AGBL1: variants seen among roughly 807,000 people sequenced by gnomAD.
AGBL1 encodes the protein cytosolic carboxypeptidase 4.
AGBL1 carries 130 observed loss-of-function variants against 118.9 expected under a neutral mutation model. The observed-to-expected ratio is 1.09, with a 90% CI of 0.95 to 1.26. AGBL1 has a LOEUF of 1.26. Among genes scored for constraint, AGBL1 ranks in the 50% most tolerant of loss-of-function variants. The probability of loss-of-function intolerance (pLI) is 0.00; values close to 1 mark genes in which losing one functional copy is unlikely to be tolerated. For missense variants in AGBL1, 1,584 were observed against 1,298.1 expected (o/e 1.22, Z -3.38); for synonymous variants, 555 against 478.9 (o/e 1.16, Z -2.08).
At chr15:86,233,201 A>C (rs72752182) in intron 6 of AGBL1, among the ~76,000 whole-genome samples, 35 of 152,312 alleles carry the variant, frequency 2.3e-4, no homozygotes, top group Non-Finnish European at 4.3e-4. Context: ...TGGAGTCAGG[A>C]AACTGGACTC....
chr15:86,694,466 A>G (rs1031173895), intron 22 of AGBL1, among the ~76,000 whole-genome samples: 4 of 151,736 alleles, frequency 2.6e-5, no homozygotes, highest in African/African-American at 9.7e-5. Context: ...ACTTTGCTGA[A>G]CTCGTATATT....
At chr15:86,597,600 G>A (rs1289443617) in intron 21 of AGBL1, among the ~76,000 whole-genome samples, 34 of 152,098 alleles carry the variant, frequency 2.2e-4, no homozygotes, top group Admixed American at 2.2e-3. Context: ...GAACTCAAGA[G>A]GATAGTTAAG....
intron 21 of AGBL1, among the ~76,000 whole-genome samples, chr15:86,593,467 T>C (rs927331431): frequency 6.6e-6 from 1 of 152,138 alleles, no homozygotes; most frequent in Non-Finnish European, 1.5e-5. Context: ...AAGAGTATGT[T>C]CTAAGTTTTC....
chr15:86,538,829 G>T (rs144419467), intron 19 of AGBL1, among the ~76,000 whole-genome samples: 162 of 152,320 alleles, frequency 1.1e-3, no homozygotes, highest in Non-Finnish European at 1.7e-3. Flanking sequence ...AAAGGGGAAC[G>T]GCTAAGGGAG....
intron 22 of AGBL1, among the ~76,000 whole-genome samples, chr15:86,870,953 A>G (rs1243826868): frequency 1.3e-5 from 2 of 152,194 alleles, no homozygotes; most frequent in Non-Finnish European, 2.9e-5. Flanking sequence ...TCGACTTGAC[A>G]GAGAGATTGG....
chr15:86,621,735 G>A (rs1158802698), intron 21 of AGBL1, among the ~76,000 whole-genome samples: 1 of 152,206 alleles, frequency 6.6e-6, no homozygotes, highest in Non-Finnish European at 1.5e-5. Context: ...TATAGCCTTA[G>A]TCAAGTTATT....
intron 17 of AGBL1, among the ~76,000 whole-genome samples, chr15:86,380,958 G>GTGTGTA (rs2081106531): frequency 6.6e-6 from 1 of 151,656 alleles, no homozygotes; most frequent in Non-Finnish European, 1.5e-5. Context: ...GTGTGTGTGT[G>GTGTGTA]TACCAGTCAC....
At chr15:86,777,828 T>G (rs925738002) in intron 22 of AGBL1, among the ~76,000 whole-genome samples, 2 of 152,092 alleles carry the variant, frequency 1.3e-5, no homozygotes, top group African/African-American at 4.8e-5. Flanking sequence ...AGTGAACAAA[T>G]CATAATAGTA....
intron 18 of AGBL1, among the ~76,000 whole-genome samples, chr15:86,512,649 GA>G (rs1439979332): frequency 2.0e-5 from 3 of 151,544 alleles, no homozygotes; most frequent in Admixed American, 6.6e-5. Flanking sequence ...TTCTTTTTCA[GA>G]AACTACTATT....
chr15:86,092,656 C>G (rs993076552), intron 1 of AGBL1, among the ~76,000 whole-genome samples: 1 of 151,944 alleles, frequency 6.6e-6, no homozygotes, highest in South Asian at 2.1e-4. Context: ...TTAAAATGAA[C>G]GGAAATTTAT....
At chr15:86,948,395 T>C (rs924653561) in intron 23 of AGBL1, among the ~76,000 whole-genome samples, 1 of 152,144 alleles carries the variant, frequency 6.6e-6, no homozygotes, top group Admixed American at 6.5e-5. Context: ...CGTAGACACA[T>C]ATGGAACAAG....
intron 5 of AGBL1, 57 bp from the exon 6 acceptor site, chr15:86,224,857 T>C (rs2141929976): frequency 1.3e-6 from 2 of 1,566,310 alleles, no homozygotes; most frequent in Admixed American, 3.4e-5. Context: ...GTGGGATCCA[T>C]GTGCTGAGAA....
In AGBL1 at chr15:86,670,650, G is replaced by GTATATA. The variant is rs67431863; in HGVS notation, c.2995-3614_2995-3609dup. On this transcript the variant is annotated intron_variant, in intron 21 of 22. Transcript: ENST00000614907. ...ACAAACACGCTGTGTGTGTGTGTGTGTATATATATATATAGCAAACTTATA... is the reference window on the plus strand; with the variant it reads ...ACAAACACGCTGTGTGTGTGTGTGTGTATATATATATATATATATAGCAAACTTATA... 5.3e-3 allele frequency among the ~76,000 whole-genome samples: 744 copies of GTATATA among 141,122 alleles called. 11 individuals carry two copies. The highest frequency in any genetic ancestry group is 0.019 in the African/African-American group (709 of 38,082). The allele number at this position is 141,122 out of a possible 152,430, so 92.6% of individuals were successfully genotyped here.
chr15:86,318,171 C>G (rs2080045019), intron 17 of AGBL1, among the ~76,000 whole-genome samples: 1 of 152,178 alleles, frequency 6.6e-6, no homozygotes, highest in African/African-American at 2.4e-5. Context: ...CCCCAGCTTT[C>G]TCTTGTGGGG....
At chr15:86,942,795 A>G (rs1267661232) in intron 23 of AGBL1, among the ~76,000 whole-genome samples, 1 of 152,086 alleles carries the variant, frequency 6.6e-6, no homozygotes, top group Non-Finnish European at 1.5e-5. Context: ...ATTCCAGTTC[A>G]TTTCTACTTA....
At chr15:86,547,443 A>AGG (rs2083598518) in intron 20 of AGBL1, among the ~76,000 whole-genome samples, 1 of 152,164 alleles carries the variant, frequency 6.6e-6, no homozygotes, top group Admixed American at 6.5e-5. Flanking sequence ...AACCTTTAAA[A>AGG]AGTCTCCTGT....
At chr15:86,781,035 A>G (rs1380601457) in intron 22 of AGBL1, among the ~76,000 whole-genome samples, 2 of 152,248 alleles carry the variant, frequency 1.3e-5, no homozygotes, top group South Asian at 2.1e-4. Flanking sequence ...AATTTAATTT[A>G]TTCCTAAGTA....
At chr15:87,012,360 A>C (rs899829427) in intron 24 of AGBL1, among the ~76,000 whole-genome samples, 7 of 152,104 alleles carry the variant, frequency 4.6e-5, no homozygotes, top group African/African-American at 1.7e-4. Flanking sequence ...CCTACATTGG[A>C]GGGTAAAATA....
At chr15:86,586,210 C>T (rs924112453) in intron 21 of AGBL1, among the ~76,000 whole-genome samples, 4 of 152,206 alleles carry the variant, frequency 2.6e-5, no homozygotes, top group African/African-American at 9.6e-5. Context: ...TCTTTCTCTC[C>T]TAGCCTGTAA....
Sources: gnomAD v4.1 joint callset for allele counts (sites outside exome capture counted in the v4.1 genomes callset) on GRCh38, gnomAD v4.1.1 for gene constraint, MANE v1.5 for transcripts, NCBI Gene and HGNC (gene_info 2026-07-23, HGNC 2026-07-21) for gene names.